The following ATP6V0D1 variants were observed in gnomAD, a reference collection of about 807,000 sequenced individuals.
ATP6V0D1 encodes the protein ATPase H+ transporting V0 subunit d1.
A neutral mutation model predicts 39.0 loss-of-function variants in ATP6V0D1; 13 were observed. That is an observed-to-expected ratio of 0.33 (90% CI 0.22 to 0.53). ATP6V0D1 has a LOEUF of 0.53. Among genes scored for constraint, ATP6V0D1 ranks in the 20% least tolerant of loss-of-function variants. The pLI, the probability that ATP6V0D1 is intolerant of heterozygous loss-of-function variation, is 0.94. For missense variants in ATP6V0D1, 272 were observed against 470.9 expected (o/e 0.58, Z 3.91); for synonymous variants, 191 against 191.2 (o/e 1.00, Z 0.01).
At chr16:67,445,485 G>A (rs974421847) in intron 2 of ATP6V0D1, among the ~76,000 whole-genome samples, 1 of 152,186 alleles carries the variant, frequency 6.6e-6, no homozygotes, top group Non-Finnish European at 1.5e-5. Context: ...CTGGAATGAA[G>A]GCCCAGGTCA....
chr16:67,470,521 C>T (rs1270624021), intron 1 of ATP6V0D1, among the ~76,000 whole-genome samples: 12 of 152,332 alleles, frequency 7.9e-5, no homozygotes, highest in Non-Finnish European at 7.3e-5. Context: ...GTTAAGGCTG[C>T]TCTCTAGCCT....
chr16:67,475,472 G>T (rs1487757352), intron 1 of ATP6V0D1, among the ~76,000 whole-genome samples: 1 of 152,202 alleles, frequency 6.6e-6, no homozygotes, highest in Non-Finnish European at 1.5e-5. Flanking sequence ...CATCAAACAT[G>T]GGCCCTTCAC....
chr16:67,458,360 G>A (rs2041259867), intron 1 of ATP6V0D1, among the ~76,000 whole-genome samples: 1 of 152,196 alleles, frequency 6.6e-6, no homozygotes, highest in Non-Finnish European at 1.5e-5. Flanking sequence ...AGCTTTGTGG[G>A]AGACCTGGCC....
rs1357421197 is a variant in ATP6V0D1 at position 67,481,124 on chromosome 16, C to T, written c.-38G>A. On this transcript the variant is annotated 5_prime_UTR_variant, in exon 1 of 8. Transcript: ENST00000290949. ...AGCGGCGGGACCGGAGAACCAGGAC[C>T]GGCCGGCACGAATCGCGACTCCCCA... 5 of 1,611,472 alleles carry T rather than the reference C, an allele frequency of 3.1e-6. No individual in the cohort carries two copies. The highest frequency in any genetic ancestry group is 4.5e-5 in the East Asian group (2 of 44,844).
intron 4 of ATP6V0D1, chr16:67,441,344 G>C (rs2041048337): frequency 6.6e-6 from 1 of 152,294 alleles, no homozygotes; most frequent in Admixed American, 6.5e-5. Flanking sequence ...TCACCGGGCT[G>C]GGACATCGCC....
At chr16:67,446,916 A>C (rs1003368543) in intron 2 of ATP6V0D1, among the ~76,000 whole-genome samples, 1 of 152,144 alleles carries the variant, frequency 6.6e-6, no homozygotes, top group Non-Finnish European at 1.5e-5. Context: ...AGGCCCAGAG[A>C]GGGCCAGCAC....
At chr16:67,462,593 G>C (rs2041297181) in intron 1 of ATP6V0D1, among the ~76,000 whole-genome samples, 1 of 152,192 alleles carries the variant, frequency 6.6e-6, no homozygotes, top group Non-Finnish European at 1.5e-5. Flanking sequence ...GGGAGACCAA[G>C]GTGAGGGAAT....
At chr16:67,471,538 T>A (rs2041373083) in intron 1 of ATP6V0D1, among the ~76,000 whole-genome samples, 1 of 152,104 alleles carries the variant, frequency 6.6e-6, no homozygotes, top group African/African-American at 2.4e-5. Context: ...TTACAGCAGT[T>A]TGAAAATATA....
Position 67,438,796 on chromosome 16 carries a change from G to A in ATP6V0D1, c.891C>T (p.His297=), listed in dbSNP as rs1335138380. The stretch of plus-strand genomic sequence containing the variant: ...CAAGCAGACCCTGCAGACTCACCTC[G>A]TGCTCAAAGAATCGGTCCTCCAGCG... ...DKTLEDRFFE[H]EVKLNKLAFL... Residue 297 remains histidine, a synonymous_variant, in exon 7 of 8, where the codon CAC becomes CAT. Coordinates refer to ENST00000290949, the MANE Select transcript of ATP6V0D1 (RefSeq NM_004691.5). 24 of 1,613,856 alleles carry A rather than the reference G, an allele frequency of 1.5e-5. No individual in the cohort carries two copies. Among genetic ancestry groups the A allele is most frequent in the South Asian group, 3.3e-5 (3 of 91,076 alleles).
chr16:67,459,055 C>T, intron 1 of ATP6V0D1: 2 of 985,778 alleles, frequency 2.0e-6, no homozygotes. Context: ...TCTGCCTCTC[C>T]CCCACAGCCT....
chr16:67,464,907 G>A (rs539238529), intron 1 of ATP6V0D1, among the ~76,000 whole-genome samples: 5 of 152,336 alleles, frequency 3.3e-5, no homozygotes, highest in Admixed American at 3.3e-4. Context: ...TCTGCCCAGC[G>A]GTCCTCAGGA....
intron 1 of ATP6V0D1, chr16:67,459,222 G>A: frequency 5.1e-6 from 5 of 985,484 alleles, no homozygotes; most frequent in East Asian, 1.1e-4. Context: ...TGAAGTGCAG[G>A]AAATAGTGCT....
intron 1 of ATP6V0D1, among the ~76,000 whole-genome samples, chr16:67,462,891 C>A (rs1249575463): frequency 1.3e-5 from 2 of 152,026 alleles, no homozygotes; most frequent in African/African-American, 2.4e-5. Flanking sequence ...GCCTGCACCA[C>A]CTGAGCAATC....
intron 3 of ATP6V0D1, among the ~76,000 whole-genome samples, chr16:67,443,911 C>T (rs1050595018): frequency 6.6e-6 from 1 of 152,202 alleles, no homozygotes; most frequent in Non-Finnish European, 1.5e-5. Flanking sequence ...GAGGTGGTAC[C>T]CCAGGCCCAG....
intron 1 of ATP6V0D1, among the ~76,000 whole-genome samples, chr16:67,461,079 C>A (rs1387407382): frequency 6.6e-6 from 1 of 152,226 alleles, no homozygotes; most frequent in Non-Finnish European, 1.5e-5. Context: ...CAGCATACCA[C>A]AGTCCATTTC....
chr16:67,458,416 G>A (rs975111014), intron 1 of ATP6V0D1, among the ~76,000 whole-genome samples: 4 of 152,206 alleles, frequency 2.6e-5, no homozygotes, highest in Non-Finnish European at 4.4e-5. Flanking sequence ...GACGGCAGGG[G>A]CTCTGGGAAG....
At position 67,438,820 on chromosome 16, in the gene ATP6V0D1, C is replaced by T. The variant is rs2041009166; in HGVS notation, c.867G>A (p.Thr289=). ...EGAGSNPGDK[T]LEDRFFEHEV... is the part of the protein sequence containing the mutation. ...CGTGCTCAAAGAATCGGTCCTCCAG[C>T]GTCTTGTCTCCAGGGTTGCTACCTG... is the stretch of plus-strand genomic sequence containing the variant. Residue 289 remains threonine, a synonymous_variant, in exon 7 of 8, where the codon ACG becomes ACA. Coordinates refer to ENST00000290949, the MANE Select transcript of ATP6V0D1 (RefSeq NM_004691.5). The T allele has an allele frequency of 6.2e-7, 1 of 1,613,582 alleles. No individual in the cohort carries two copies. Among genetic ancestry groups the T allele is most frequent in the Non-Finnish European group, 8.5e-7 (1 of 1,179,982 alleles).
intron 4 of ATP6V0D1, among the ~76,000 whole-genome samples, chr16:67,442,431 C>CT (rs1210231679): frequency 2.0e-5 from 3 of 152,074 alleles, no homozygotes; most frequent in Non-Finnish European, 2.9e-5. Flanking sequence ...CCAGACACCC[C>CT]TAACCTAACT....
chr16:67,460,903 A>G (rs912351548), intron 1 of ATP6V0D1, among the ~76,000 whole-genome samples: 3 of 152,228 alleles, frequency 2.0e-5, no homozygotes, highest in Non-Finnish European at 2.9e-5. Flanking sequence ...CAGAGCCACA[A>G]GGACCTGGGT....
Sources: allele counts gnomAD v4.1 joint callset (sites outside exome capture counted in the v4.1 genomes callset), GRCh38; gene constraint gnomAD v4.1.1; transcripts MANE v1.5; gene names NCBI Gene and HGNC (gene_info 2026-07-23, HGNC 2026-07-21).